Variants in MYCBP2 observed in about 807,000 individuals in gnomAD.
MYCBP2 encodes MYC binding protein 2, also known as E3 ubiquitin-protein ligase MYCBP2.
A neutral mutation model predicts 525.3 loss-of-function variants in MYCBP2; 120 were observed. That is an observed-to-expected ratio of 0.23 (90% confidence interval 0.20 to 0.27). The LOEUF is 0.27. MYCBP2 is among the 10% of genes least tolerant of loss of function. The probability of loss-of-function intolerance (pLI) is 1.00; values close to 1 mark genes in which losing one functional copy is unlikely to be tolerated. For synonymous variants in MYCBP2, 1,894 were observed against 1,955.8 expected (o/e 0.97, Z 0.83); for missense variants, 4,149 against 5,657.1 (o/e 0.73, Z 8.55).
chr13:77,261,946 A>C, intron 11 of MYCBP2, 107 bp downstream of exon 11: 1 of 851,710 alleles, frequency 1.2e-6, no homozygotes, highest in South Asian at 2.3e-5. Context: ...CAAAATTTAA[A>C]AGATGATTCT....
chr13:77,123,338 T>A (rs1034595040), intron 54 of MYCBP2, among the ~76,000 whole-genome samples: 2 of 152,190 alleles, frequency 1.3e-5, no homozygotes, highest in Non-Finnish European at 2.9e-5. Flanking sequence ...AAAAGATGAT[T>A]AACTAATTAC....
chr13:77,069,308 T>G (rs552950802), intron 69 of MYCBP2, among the ~76,000 whole-genome samples: 107 of 152,308 alleles, frequency 7.0e-4, no homozygotes, highest in Middle Eastern at 6.8e-3. Flanking sequence ...TGTAGTTCAT[T>G]GAAAAGAATA....
At chr13:77,120,732 T>C (rs947371470) in intron 55 of MYCBP2, among the ~76,000 whole-genome samples, 1 of 152,130 alleles carries the variant, frequency 6.6e-6, no homozygotes, top group Non-Finnish European at 1.5e-5. Flanking sequence ...CAAAATTAAC[T>C]ATTGTTTGGA....
chr13:77,270,528 A>G lies in MYCBP2; in HGVS notation c.956T>C (p.Ile319Thr). 1 of 1,606,080 alleles carries G rather than the reference A, an allele frequency of 6.2e-7. No individual in the cohort carries two copies. The highest frequency in any genetic ancestry group is 8.5e-7 in the Non-Finnish European group (1 of 1,174,880). Residue 319 changes from isoleucine (I) to threonine (T), a missense_variant, in exon 6 of 83, where the codon ATT becomes ACT. Around this residue, in one of 21 missense-constraint regions of MYCBP2, gnomAD observed 413 missense variants for 451.2 expected, o/e 0.92. Coordinates refer to ENST00000544440, the MANE Select transcript of MYCBP2 (RefSeq NM_015057.5). ...HACQTIQVPT[I>T]LNSLQRSVQA... ...TACACTTCTCTGTAGCGAATTTAGAATTGTTGGCACCTAATCAAAAGAGAA... is the reference window on the plus strand; with the variant it reads ...TACACTTCTCTGTAGCGAATTTAGAGTTGTTGGCACCTAATCAAAAGAGAA...
intron 34 of MYCBP2, among the ~76,000 whole-genome samples, chr13:77,179,040 G>C (rs961261028): frequency 1.3e-5 from 2 of 152,180 alleles, no homozygotes; most frequent in African/African-American, 4.8e-5. Context: ...CAGGATGAGA[G>C]ACTAAAATTA....
chr13:77,140,723 G>C, intron 50 of MYCBP2, 123 bp downstream of exon 50: 1 of 748,010 alleles, frequency 1.3e-6, no homozygotes, highest in Non-Finnish European at 2.3e-6. Context: ...AATTTATTTA[G>C]GGATATTTAG....
intron 18 of MYCBP2, among the ~76,000 whole-genome samples, chr13:77,225,966 A>C (rs552484754): frequency 6.6e-6 from 1 of 152,238 alleles, no homozygotes; most frequent in Non-Finnish European, 1.5e-5. Flanking sequence ...AGCCATTTTT[A>C]AAAAATTGCT....
intron 62 of MYCBP2, among the ~76,000 whole-genome samples, chr13:77,083,581 CAT>C (rs1161951603): frequency 6.6e-6 from 1 of 151,758 alleles, no homozygotes; most frequent in Non-Finnish European, 1.5e-5. Flanking sequence ...TAAAAAATAA[CAT>C]ATGTTTAGAA....
Position 77,264,214 on chromosome 13 carries a change from A to G in MYCBP2, c.1358-212T>C, listed in dbSNP as rs80044312. Among the ~76,000 whole-genome samples, 841 of 152,200 alleles carry G rather than the reference A, an allele frequency of 5.5e-3. 5 individuals are homozygous for G. Among genetic ancestry groups the G allele is most frequent in the African/African-American group, 0.019 (784 of 41,564 alleles). ...TTTTGCTTATATTTATAAATCTTCC[A>G]TAACCAAGGACCTGAGATCCCACCT... On this transcript the variant is annotated intron_variant, in intron 8 of 82. Coordinates refer to ENST00000544440, the MANE Select transcript of MYCBP2 (RefSeq NM_015057.5).
intron 1 of MYCBP2, among the ~76,000 whole-genome samples, chr13:77,323,803 C>T (rs764719360): frequency 6.6e-6 from 1 of 152,186 alleles, no homozygotes; most frequent in African/African-American, 2.4e-5. Flanking sequence ...GATGCCTATC[C>T]TCAATAAACT....
chr13:77,073,364 T>A (rs1306615059), intron 68 of MYCBP2, among the ~76,000 whole-genome samples: 2 of 152,084 alleles, frequency 1.3e-5, no homozygotes, highest in Non-Finnish European at 2.9e-5. Context: ...CTCAGCAAAC[T>A]AGGAATAGAA....
At chr13:77,064,785 T>C (rs2039938461) in intron 72 of MYCBP2, 51 bp from the exon 73 acceptor site, 1 of 1,470,940 alleles carries the variant, frequency 6.8e-7, no homozygotes, top group Non-Finnish European at 9.1e-7. Flanking sequence ...TGTATTACCA[T>C]AGTAAACTCT....
At chr13:77,188,598 A>C (rs1007277990) in intron 30 of MYCBP2, among the ~76,000 whole-genome samples, 1 of 152,156 alleles carries the variant, frequency 6.6e-6, no homozygotes, top group Non-Finnish European at 1.5e-5. Context: ...CTAGTTCCTC[A>C]AGTAGTAATC....
chr13:77,266,463 C>A (rs1479926797), intron 8 of MYCBP2, among the ~76,000 whole-genome samples: 1 of 151,874 alleles, frequency 6.6e-6, no homozygotes. Context: ...CAATATGTAG[C>A]ATATGATCAC....
chr13:77,281,225 G>A (rs897566808), intron 3 of MYCBP2, among the ~76,000 whole-genome samples: 9 of 152,062 alleles, frequency 5.9e-5, no homozygotes, highest in African/African-American at 1.2e-4. Flanking sequence ...TTTCATTTGT[G>A]TGTAAAAAAC....
At chr13:77,269,097 C>A (rs2154343411) in intron 7 of MYCBP2, among the ~76,000 whole-genome samples, 1 of 152,272 alleles carries the variant, frequency 6.6e-6, no homozygotes, top group Non-Finnish European at 1.5e-5. Flanking sequence ...TGGCTGCTGA[C>A]CTTGTAAAAG....
intron 17 of MYCBP2, among the ~76,000 whole-genome samples, chr13:77,242,825 C>A (rs1044362533): frequency 5.9e-5 from 9 of 152,180 alleles, no homozygotes; most frequent in Admixed American, 3.3e-4. Context: ...GCCATAAACA[C>A]CCTGCTGAAT....
At chr13:77,128,193 G>A (rs548024599) in intron 52 of MYCBP2, among the ~76,000 whole-genome samples, 146 of 151,848 alleles carry the variant, frequency 9.6e-4, no homozygotes, top group Non-Finnish European at 1.6e-3. Context: ...ACTTTACATA[G>A]TACTTGCTAT....
chr13:77,126,593 C>A (rs1389509921), intron 52 of MYCBP2, 51 bp from the exon 53 acceptor site: 2 of 1,380,556 alleles, frequency 1.4e-6, no homozygotes, highest in Admixed American at 2.0e-5. Context: ...TCTATTATCA[C>A]TTTCAAAGCC....
Sources: allele counts gnomAD v4.1 joint callset (sites outside exome capture counted in the v4.1 genomes callset), GRCh38; gene constraint gnomAD v4.1.1; regional missense constraint gnomAD v4.1.1; transcripts MANE v1.5; gene names NCBI Gene and HGNC (gene_info 2026-07-23, HGNC 2026-07-21).